Variants in KCTD8 observed in about 807,000 individuals in gnomAD.
The protein encoded by KCTD8 is potassium channel tetramerization domain containing 8.
A neutral mutation model predicts 31.5 loss-of-function variants in KCTD8; 27 were observed. The observed-to-expected ratio is 0.86, with a 90% CI of 0.63 to 1.18. KCTD8 has a LOEUF of 1.18. Among genes scored for constraint, KCTD8 ranks in the 50% most tolerant of loss-of-function variants. KCTD8 has a pLI of 0.00. For missense variants in KCTD8, 658 were observed against 647.7 expected (o/e 1.02, Z -0.17); for synonymous variants, 290 against 280.0 (o/e 1.04, Z -0.36).
At chr4:44,429,262 T>C (rs1472987930) in intron 1 of KCTD8, among the ~76,000 whole-genome samples, 1 of 151,808 alleles carries the variant, frequency 6.6e-6, no homozygotes. Flanking sequence ...TGTACAAGTA[T>C]TGGACAAGGG....
intron 1 of KCTD8, among the ~76,000 whole-genome samples, chr4:44,286,633 G>T (rs951700895): frequency 6.6e-6 from 1 of 152,126 alleles, no homozygotes; most frequent in Non-Finnish European, 1.5e-5. Flanking sequence ...TAACAGATAC[G>T]TTTAAAGCTT....
chr4:44,351,650 T>G (rs973244098), intron 1 of KCTD8, among the ~76,000 whole-genome samples: 2 of 152,066 alleles, frequency 1.3e-5, no homozygotes, highest in African/African-American at 2.4e-5. Context: ...TCTCTAACAA[T>G]GCAACAATCT....
At chr4:44,295,611 T>G (rs983389626) in intron 1 of KCTD8, among the ~76,000 whole-genome samples, 6 of 152,218 alleles carry the variant, frequency 3.9e-5, no homozygotes, top group Admixed American at 3.3e-4. Flanking sequence ...TATTTTGATA[T>G]GCGTCAGGCT....
At chr4:44,421,110 G>A (rs558297789) in intron 1 of KCTD8, among the ~76,000 whole-genome samples, 2 of 152,078 alleles carry the variant, frequency 1.3e-5, no homozygotes, top group East Asian at 1.9e-4. Context: ...GGGTTTTTCT[G>A]AAAGCAAGAG....
chr4:44,386,711 T>C (rs558590212), intron 1 of KCTD8, among the ~76,000 whole-genome samples: 1 of 151,492 alleles, frequency 6.6e-6, no homozygotes, highest in African/African-American at 2.4e-5. Flanking sequence ...AAACTAAAAA[T>C]TGAGCTAACA....
chr4:44,385,698 G>T lies in KCTD8; in HGVS notation c.961+61865C>A, dbSNP rs111315389. The stretch of plus-strand genomic sequence containing the variant: ...GCGAAAACAGAAAAATAGATAAGCC[G>T]CATTATTATATCAAAGTTAAATACT... On this transcript the variant is annotated intron_variant, in intron 1 of 1. Transcript: ENST00000360029. Among the ~76,000 whole-genome samples the T allele has an allele frequency of 4.3e-3, 658 of 151,542 alleles. 4 individuals carry two copies. The highest frequency in any genetic ancestry group is 0.015 in the African/African-American group (628 of 41,446).
At chr4:44,269,921 G>A (rs1481309147) in intron 1 of KCTD8, among the ~76,000 whole-genome samples, 16 of 151,900 alleles carry the variant, frequency 1.1e-4, no homozygotes, top group Admixed American at 1.0e-3. Flanking sequence ...GGAGAAATAG[G>A]AACACTTTTA....
chr4:44,255,378 G>A (rs1433335097), intron 1 of KCTD8, among the ~76,000 whole-genome samples: 2 of 151,570 alleles, frequency 1.3e-5, no homozygotes, highest in South Asian at 2.1e-4. Flanking sequence ...TCATTCTCTT[G>A]TTTCTGAAAC....
intron 1 of KCTD8, among the ~76,000 whole-genome samples, chr4:44,366,653 T>G (rs1719647657): frequency 6.9e-6 from 1 of 145,698 alleles, no homozygotes. Context: ...ATTAGCCTAC[T>G]TCATCAAATT....
chr4:44,445,900 C>T (rs1468292081), intron 1 of KCTD8, among the ~76,000 whole-genome samples: 1 of 152,168 alleles, frequency 6.6e-6, no homozygotes, highest in Non-Finnish European at 1.5e-5. Context: ...TACTTAATTA[C>T]TCAATATATA....
At chr4:44,333,843 T>C (rs183401180) in intron 1 of KCTD8, among the ~76,000 whole-genome samples, 141 of 152,244 alleles carry the variant, frequency 9.3e-4, no homozygotes, top group African/African-American at 3.3e-3. Flanking sequence ...GAGTGACTGC[T>C]ATATTATTCG....
intron 1 of KCTD8, among the ~76,000 whole-genome samples, chr4:44,235,528 TATATATATATATATATATA>T (rs757691433): frequency 0.28 from 2,609 of 9,370 alleles, 112 homozygotes; most frequent in Middle Eastern, 0.42. Context: ...CACTGGATTA[TATATATATATATATATATA>T]TATATATATA....
chr4:44,269,116 C>A (rs1018840215), intron 1 of KCTD8, among the ~76,000 whole-genome samples: 1 of 152,140 alleles, frequency 6.6e-6, no homozygotes. Flanking sequence ...AAGCTGGAGG[C>A]ATCATGCTAC....
At position 44,182,725 on chromosome 4, in the gene KCTD8, A is replaced by G. The variant is rs151312109; in HGVS notation, c.962-7475T>C. The stretch of plus-strand genomic sequence containing the variant: ...TTGTTTATGTGCTGACCTTCCCTCC[A>G]CTATTGTCCTATGACCCTGCCAAAT... On this transcript the variant is annotated intron_variant, in intron 1 of 1. Transcript: ENST00000360029. 4.8e-3 allele frequency among the ~76,000 whole-genome samples: 738 copies of G among 152,170 alleles called. 24 individuals carry two copies. The highest frequency in any genetic ancestry group is 0.043 in the Admixed American group (656 of 15,274).
intron 1 of KCTD8, among the ~76,000 whole-genome samples, chr4:44,248,809 C>A (rs1005283272): frequency 6.6e-6 from 1 of 151,806 alleles, no homozygotes; most frequent in Non-Finnish European, 1.5e-5. Flanking sequence ...GACCAAGTTG[C>A]CATCAGCCTG....
chr4:44,413,012 T>C (rs1362072929), intron 1 of KCTD8, among the ~76,000 whole-genome samples: 3 of 152,186 alleles, frequency 2.0e-5, no homozygotes, highest in African/African-American at 7.2e-5. Flanking sequence ...GATGAATATA[T>C]AATGCTATAA....
chr4:44,410,548 G>A (rs1720929059), intron 1 of KCTD8, among the ~76,000 whole-genome samples: 3 of 152,060 alleles, frequency 2.0e-5, no homozygotes, highest in Non-Finnish European at 4.4e-5. Context: ...TTTTAATGCT[G>A]CTGATAAAGA....
chr4:44,337,702 T>C (rs1472686603), intron 1 of KCTD8, among the ~76,000 whole-genome samples: 1 of 149,656 alleles, frequency 6.7e-6, no homozygotes. Context: ...TATATATGTG[T>C]ATATATATTT....
intron 1 of KCTD8, among the ~76,000 whole-genome samples, chr4:44,277,880 C>A (rs950323648): frequency 6.6e-6 from 1 of 151,900 alleles, no homozygotes; most frequent in Admixed American, 6.6e-5. Flanking sequence ...GTTCTGACTA[C>A]ACTACTACAT....
Sources: gnomAD v4.1 joint callset for allele counts (sites outside exome capture counted in the v4.1 genomes callset) on GRCh38, gnomAD v4.1.1 for gene constraint, MANE v1.5 for transcripts, NCBI Gene and HGNC (gene_info 2026-07-23, HGNC 2026-07-21) for gene names.